The following COL4A4 variants were observed in gnomAD, a reference collection of about 807,000 sequenced individuals.
COL4A4 encodes collagen alpha-4(IV) chain.
A neutral mutation model predicts 192.9 loss-of-function variants in COL4A4; 105 were observed. That is an observed-to-expected ratio of 0.54 (90% CI 0.46 to 0.64). The LOEUF is 0.64. Among genes scored for constraint, COL4A4 ranks in the 30% least tolerant of loss-of-function variants. The pLI, the probability that COL4A4 is intolerant of heterozygous loss-of-function variation, is 0.00. For missense variants in COL4A4, 1,967 were observed against 2,169.3 expected (o/e 0.91, Z 1.85); for synonymous variants, 762 against 769.9 (o/e 0.99, Z 0.17).
chr2:227,062,668 A>G, intron 25 of COL4A4, 70 bp from the exon 26 acceptor site: 1 of 1,060,028 alleles, frequency 9.4e-7, no homozygotes, highest in Non-Finnish European at 1.5e-6. Context: ...TGTCTCAATG[A>G]CAACTTCCTC....
At chr2:226,991,295 C>T in the COL4A4 span, among the ~76,000 whole-genome samples, 1 of 152,200 alleles carries the variant, frequency 6.6e-6, no homozygotes, top group Non-Finnish European at 1.5e-5. Context: ...ATTCACCTGC[C>T]TCAGCCTCCC....
chr2:227,132,214 A>G (rs1246788982), intron 4 of COL4A4, among the ~76,000 whole-genome samples: 1 of 152,096 alleles, frequency 6.6e-6, no homozygotes, highest in African/African-American at 2.4e-5. Flanking sequence ...GGAGGGAGCA[A>G]GGATTTTTGT....
At chr2:226,971,833 T>C in the COL4A4 span, among the ~76,000 whole-genome samples, 2 of 152,182 alleles carry the variant, frequency 1.3e-5, no homozygotes, top group Non-Finnish European at 2.9e-5. Context: ...TTTGTGGCCT[T>C]TCTTCAAAGC....
chr2:227,159,601 G>A (rs2064653403), intron 1 of COL4A4, among the ~76,000 whole-genome samples: 2 of 152,210 alleles, frequency 1.3e-5, no homozygotes, highest in Non-Finnish European at 2.9e-5. Flanking sequence ...GACCCAGTGG[G>A]AGGTAATTGA....
chr2:227,033,994 C>A (rs995788093), intron 37 of COL4A4, among the ~76,000 whole-genome samples: 1 of 152,204 alleles, frequency 6.6e-6, no homozygotes, highest in Non-Finnish European at 1.5e-5. Context: ...GCTTGCCCTG[C>A]GATGCTCAGG....
chr2:226,994,600 C>T, the COL4A4 span, among the ~76,000 whole-genome samples: 1 of 152,260 alleles, frequency 6.6e-6, no homozygotes, highest in South Asian at 2.1e-4. Context: ...AAGTAAACCT[C>T]TACTTACCCG....
intron 1 of COL4A4, among the ~76,000 whole-genome samples, chr2:227,151,485 T>C (rs9636346): frequency 0.5 from 75,389 of 152,074 alleles, 19,053 homozygotes; most frequent in South Asian, 0.59. Flanking sequence ...AACAATCCTA[T>C]TCCATTTTAG....
chr2:226,982,208 C>A, the COL4A4 span, among the ~76,000 whole-genome samples: 1 of 152,324 alleles, frequency 6.6e-6, no homozygotes, highest in African/African-American at 2.4e-5. Flanking sequence ...ACCTTTGATA[C>A]CAGCCATAAC....
intron 1 of COL4A4, among the ~76,000 whole-genome samples, chr2:227,151,165 T>C (rs1399096000): frequency 6.6e-6 from 1 of 152,142 alleles, no homozygotes; most frequent in Non-Finnish European, 1.5e-5. Flanking sequence ...CCCACATATA[T>C]CCTAATGCAA....
downstream of COL4A4, chr2:226,997,741 C>CT (rs1167484390): frequency 2.0e-5 from 3 of 152,118 alleles, no homozygotes; most frequent in Non-Finnish European, 4.4e-5. Flanking sequence ...ATACGCATGG[C>CT]TGTTGATGGA....
At chr2:227,114,905 A>T (rs1214007315) in intron 7 of COL4A4, among the ~76,000 whole-genome samples, 1 of 152,216 alleles carries the variant, frequency 6.6e-6, no homozygotes, top group Non-Finnish European at 1.5e-5. Context: ...CTGTTAAGGA[A>T]TCTTCTAAGA....
chr2:227,094,324 C>G (rs752894632), intron 19 of COL4A4, 35 bp from the exon 20 acceptor site: 1 of 1,600,434 alleles, frequency 6.2e-7, no homozygotes, highest in Non-Finnish European at 8.5e-7. Flanking sequence ...ATTACATATA[C>G]TCTCAGAGTA....
chr2:227,091,899 GAAAA>G (rs202003628), intron 20 of COL4A4, among the ~76,000 whole-genome samples: 1 of 75,670 alleles, frequency 1.3e-5, no homozygotes, highest in African/African-American at 8.2e-5. Context: ...GTCTCAGGAA[GAAAA>G]AAGAAAGAAA....
In COL4A4 at chr2:227,008,954, GT is replaced by G. The variant is rs1402953887; in HGVS notation, c.4523-651del. Among the ~76,000 whole-genome samples the G allele has an allele frequency of 8.5e-5, 13 of 152,204 alleles. 1 individual carries two copies. Among genetic ancestry groups the G allele is most frequent in the Non-Finnish European group, 5.9e-5 (4 of 68,046 alleles). The stretch of plus-strand genomic sequence containing the variant: ...GACTTTATCCCAAGAGTTCTGCAGA[GT>G]TTTAAGATGTGTGCTCTGGTTAGAC... On this transcript the variant is annotated intron_variant, in intron 46 of 47. Coordinates refer to ENST00000396625, the MANE Select transcript of COL4A4 (RefSeq NM_000092.5).
At chr2:227,150,530 A>C (rs1032107263) in intron 1 of COL4A4, among the ~76,000 whole-genome samples, 1 of 152,138 alleles carries the variant, frequency 6.6e-6, no homozygotes, top group Non-Finnish European at 1.5e-5. Flanking sequence ...TTTTTTAACT[A>C]TACACTTTTG....
intron 22 of COL4A4, among the ~76,000 whole-genome samples, chr2:227,087,594 C>T (rs1200930693): frequency 6.6e-6 from 1 of 152,152 alleles, no homozygotes; most frequent in Non-Finnish European, 1.5e-5. Context: ...ATCTGACCAC[C>T]TTGCACCACA....
chr2:227,072,065 C>A (rs1576318804), intron 25 of COL4A4, among the ~76,000 whole-genome samples: 1 of 151,246 alleles, frequency 6.6e-6, no homozygotes, highest in East Asian at 1.9e-4. Flanking sequence ...AAATGAAATG[C>A]AAACCAAAAA....
intron 20 of COL4A4, among the ~76,000 whole-genome samples, chr2:227,090,176 C>T (rs149827448): frequency 1.2e-3 from 183 of 152,202 alleles, no homozygotes; most frequent in African/African-American, 3.3e-3. Flanking sequence ...GCTACCATAA[C>T]CATTGATAAA....
intron 25 of COL4A4, among the ~76,000 whole-genome samples, chr2:227,066,510 T>C (rs1179236381): frequency 6.6e-6 from 1 of 151,988 alleles, no homozygotes; most frequent in African/African-American, 2.4e-5. Flanking sequence ...AGACTAACAG[T>C]GGATCTTTCG....
Sources: gnomAD v4.1 joint callset for allele counts (sites outside exome capture counted in the v4.1 genomes callset) on GRCh38, gnomAD v4.1.1 for gene constraint, MANE v1.5 for transcripts, NCBI Gene and HGNC (gene_info 2026-07-23, HGNC 2026-07-21) for gene names.